NRG2: variants seen among roughly 807,000 people sequenced by gnomAD.
The protein encoded by NRG2 is neuregulin 2.
A neutral mutation model predicts 73.9 loss-of-function variants in NRG2; 27 were observed. The observed-to-expected ratio is 0.37, with a 90% CI of 0.27 to 0.50. The LOEUF (loss-of-function observed/expected upper bound fraction) is 0.50. Ranked by LOEUF, NRG2 falls within the 20% of genes least tolerant of loss-of-function variation. The pLI is 0.96. For synonymous variants in NRG2, 532 were observed against 541.0 expected (o/e 0.98, Z 0.23); for missense variants, 1,126 against 1,210.1 (o/e 0.93, Z 1.03).
At chr5:139,987,191 A>G (rs1427948882) in intron 1 of NRG2, among the ~76,000 whole-genome samples, 1 of 151,034 alleles carries the variant, frequency 6.6e-6, no homozygotes, top group African/African-American at 2.4e-5. Flanking sequence ...GGGCAACACA[A>G]TGAAAGCCCA....
intron 1 of NRG2, among the ~76,000 whole-genome samples, chr5:140,016,350 T>C (rs1424474894): frequency 6.6e-6 from 1 of 152,228 alleles, no homozygotes; most frequent in Non-Finnish European, 1.5e-5. Flanking sequence ...ATAATTTAAC[T>C]ATACGATTCT....
At chr5:139,944,215 A>G (rs1257763830) in intron 1 of NRG2, among the ~76,000 whole-genome samples, 3 of 152,236 alleles carry the variant, frequency 2.0e-5, no homozygotes, top group African/African-American at 7.2e-5. Context: ...GATCAGGGCA[A>G]TTAGCATATC....
chr5:140,026,344 G>T (rs1055716560), intron 1 of NRG2, among the ~76,000 whole-genome samples: 2 of 152,180 alleles, frequency 1.3e-5, no homozygotes, highest in Non-Finnish European at 2.9e-5. Context: ...CTCTGTTTTA[G>T]AAAGTGAATT....
At chr5:139,961,261 C>T (rs1755036868) in intron 1 of NRG2, among the ~76,000 whole-genome samples, 2 of 152,178 alleles carry the variant, frequency 1.3e-5, no homozygotes, top group Admixed American at 1.3e-4. Context: ...CACATAAGTG[C>T]ATCTGCCATG....
Position 140,042,443 on chromosome 5 carries a change from C to A in NRG2, c.627G>T (p.Thr209=). 1 of 1,611,564 alleles carries A rather than the reference C, an allele frequency of 6.2e-7. No individual in the cohort carries two copies. Among genetic ancestry groups the A allele is most frequent in the Non-Finnish European group, 8.5e-7 (1 of 1,178,964 alleles). The change falls in exon 1 of 10, where the codon ACG becomes ACT. Residue 209 remains threonine, a synonymous_variant. Transcript: ENST00000361474. ...CGTTGGTATCGAGGGGGGCAAAGGCCGTCTTAAAGACTAAGGGCTGTTCCG... is the reference window on the plus strand; with the variant it reads ...CGTTGGTATCGAGGGGGGCAAAGGCAGTCTTAAAGACTAAGGGCTGTTCCG... ...EPTEQPLVFK[T]AFAPLDTNGK...
intron 1 of NRG2, among the ~76,000 whole-genome samples, chr5:140,030,086 C>A (rs1016726759): frequency 1.1e-4 from 16 of 152,158 alleles, no homozygotes; most frequent in Non-Finnish European, 2.2e-4. Context: ...GGATTACTCC[C>A]TGAGTCATGT....
In NRG2 at chr5:139,937,694, AT is replaced by A. The variant is rs145603317; in HGVS notation, c.701-50184del. ...GGGCATAGGGGAACTTTTGGGAGTA[AT>A]GGAAATATTCTATGACATAACTGAA... On this transcript the variant is annotated intron_variant, in intron 1 of 9. Transcript: ENST00000361474. Among the ~76,000 whole-genome samples, 51 of 152,306 alleles carry A rather than the reference AT, an allele frequency of 3.3e-4. 1 individual carries two copies. In the East Asian group the frequency reaches 9.5e-3, roughly 28 times the overall value.
In NRG2 at chr5:140,008,899, T is replaced by A. The variant is rs1236853305; in HGVS notation, c.700+33471A>T. 2.6e-5 allele frequency among the ~76,000 whole-genome samples: 4 copies of A among 152,156 alleles called. No individual in the cohort carries two copies. Among genetic ancestry groups the A allele is most frequent in the Non-Finnish European group, 5.9e-5 (4 of 68,022 alleles). ...CCTCTCTGTGTCTCAGTTCCCCATA[T>A]GAAAAATGGGATAATAGCAATAGAA... On this transcript the variant is annotated intron_variant, in intron 1 of 9. Coordinates refer to ENST00000361474, the MANE Select transcript of NRG2 (RefSeq NM_004883.3). The surrounding 1 kb of genome is among the most constrained non-coding windows in gnomAD (Gnocchi z 4.2).
chr5:139,888,591 C>G (rs1428038583), intron 1 of NRG2, among the ~76,000 whole-genome samples: 1 of 152,102 alleles, frequency 6.6e-6, no homozygotes, highest in Non-Finnish European at 1.5e-5. Context: ...GACAATGGGC[C>G]AGAGCTGGCT....
chr5:139,881,790 C>T (rs1336059549), intron 2 of NRG2, among the ~76,000 whole-genome samples: 2 of 152,214 alleles, frequency 1.3e-5, no homozygotes, highest in Non-Finnish European at 2.9e-5. Flanking sequence ...GGGGCTAGCC[C>T]TGAAGCTTTG....
At chr5:139,885,338 A>T (rs1763794320) in intron 2 of NRG2, among the ~76,000 whole-genome samples, 1 of 152,234 alleles carries the variant, frequency 6.6e-6, no homozygotes, top group Non-Finnish European at 1.5e-5. Context: ...CCCGGGGAGC[A>T]GGTATTCCCA....
chr5:139,886,535 G>C (rs556033001), intron 2 of NRG2, among the ~76,000 whole-genome samples: 1 of 152,364 alleles, frequency 6.6e-6, no homozygotes, highest in Non-Finnish European at 1.5e-5. Flanking sequence ...CTCAGTCAGA[G>C]AGGGAAGGCC....
At position 139,853,436 on chromosome 5, in the gene NRG2, T is replaced by C. The variant is rs1040840536; in HGVS notation, c.1293-409A>G. 4.6e-5 allele frequency among the ~76,000 whole-genome samples: 7 copies of C among 152,332 alleles called. No individual in the cohort carries two copies. Among genetic ancestry groups the C allele is most frequent in the African/African-American group, 1.2e-4 (5 of 41,556 alleles). ...CCCTCATTCATTAATTTGGTATGTA[T>C]TGAGTTATCACTATGTGCCAGACAC... On this transcript the variant is annotated intron_variant, in intron 6 of 9. Coordinates refer to ENST00000361474, the MANE Select transcript of NRG2 (RefSeq NM_004883.3). The surrounding 1 kb of genome is among the most constrained non-coding windows in gnomAD (Gnocchi z 4.1).
In NRG2 at chr5:139,847,472, A is replaced by ACCCCCCCCCCCCCCCCCCCCCCC. The variant is rs1409520251; in HGVS notation, c.*444_*445insGGGGGGGGGGGGGGGGGGGGGGG. The ACCCCCCCCCCCCCCCCCCCCCCC allele has an allele frequency of 6.4e-5, 9 of 141,078 alleles. No individual in the cohort carries two copies. The highest frequency in any genetic ancestry group is 1.1e-4 in the African/African-American group (4 of 37,964). 8.7% of individuals were successfully genotyped at this position (141,078 alleles called of 1,614,324 possible). Reference sequence around the variant, plus strand: ...CGTCCTCAGTTCTTCCTTAGGGCCAACCCCCCACCGCCCCCCACCCTCGCC... The same window carrying ACCCCCCCCCCCCCCCCCCCCCCC: ...CGTCCTCAGTTCTTCCTTAGGGCCAACCCCCCCCCCCCCCCCCCCCCCCCCCCCCACCGCCCCCCACCCTCGCC... On this transcript the variant is annotated 3_prime_UTR_variant, in exon 10 of 10. Transcript: ENST00000361474.
At chr5:140,000,212 ACAAAAT>A (rs2126618793) in intron 1 of NRG2, among the ~76,000 whole-genome samples, 1 of 152,364 alleles carries the variant, frequency 6.6e-6, no homozygotes, top group African/African-American at 2.4e-5. Context: ...ATGTGGAAAC[ACAAAAT>A]ATTATTATCA....
At chr5:139,982,341 T>C (rs1423525484) in intron 1 of NRG2, among the ~76,000 whole-genome samples, 1 of 152,124 alleles carries the variant, frequency 6.6e-6, no homozygotes, top group African/African-American at 2.4e-5. Context: ...CTCCTAAAGC[T>C]GCTCCTTTCC....
Position 139,855,702 on chromosome 5 carries a change from G to A in NRG2, c.1266C>T (p.Val422=). 6.2e-7 allele frequency: 1 copy of A among 1,614,082 alleles called. No individual in the cohort carries two copies. Among genetic ancestry groups the A allele is most frequent in the Non-Finnish European group, 8.5e-7 (1 of 1,179,956 alleles). The change falls in exon 6 of 10, where the codon GTC becomes GTT. Residue 422 remains valine, a synonymous_variant. Coordinates refer to ENST00000361474, the MANE Select transcript of NRG2 (RefSeq NM_004883.3). ...TGGTCTTGCAGTAGGCCACCACACA[G>A]ACGATGCCCACGACCAGCAGAGCCA... ...ICVALLVVGI[V]CVVAYCKTKK... is the part of the protein sequence containing the mutation.
At chr5:139,877,197 C>T (rs374903827) in intron 3 of NRG2, among the ~76,000 whole-genome samples, 7 of 152,214 alleles carry the variant, frequency 4.6e-5, no homozygotes, top group East Asian at 1.9e-4. Flanking sequence ...GTGTTAGCAC[C>T]GCAAACTTCC....
rs186491204 is a variant in NRG2, at chr5:140,037,231, G to T, written c.700+5139C>A. Among the ~76,000 whole-genome samples, 12 of 152,330 alleles carry T rather than the reference G, an allele frequency of 7.9e-5. No individual in the cohort carries two copies. In the East Asian group the frequency reaches 2.3e-3, roughly 29 times the overall value. On this transcript the variant is annotated intron_variant, in intron 1 of 9. Coordinates refer to ENST00000361474, the MANE Select transcript of NRG2 (RefSeq NM_004883.3). Reference sequence around the variant, plus strand: ...ATCTCCCACATGGACTCTACTGTGAGATCACCAAGCGTGTGAAACAATAAG... The same window carrying T: ...ATCTCCCACATGGACTCTACTGTGATATCACCAAGCGTGTGAAACAATAAG...
Sources: gnomAD v4.1 joint callset for allele counts (sites outside exome capture counted in the v4.1 genomes callset) on GRCh38, gnomAD v4.1.1 for gene constraint, Gnocchi (gnomAD v3.1) non-coding constraint, MANE v1.5 for transcripts, NCBI Gene and HGNC (gene_info 2026-07-23, HGNC 2026-07-21) for gene names.